Variants in DSE observed in about 807,000 individuals in gnomAD.
The protein encoded by DSE is dermatan sulfate epimerase, also known as dermatan-sulfate epimerase.
DSE carries 36 observed loss-of-function variants against 84.4 expected under a neutral mutation model. That is an observed-to-expected ratio of 0.43 (90% CI 0.33 to 0.56). DSE has a LOEUF of 0.56. DSE is among the 20% of genes least tolerant of loss of function. DSE has a pLI of 0.06. For missense variants in DSE, 862 were observed against 1,169.6 expected, an observed-to-expected ratio of 0.74 and a Z score of 3.84; for synonymous variants, 410 against 430.1, an observed-to-expected ratio of 0.95 and a Z score of 0.58.
At chr6:116,294,929 A>G (rs1028848473) in intron 2 of DSE, among the ~76,000 whole-genome samples, 8 of 152,050 alleles carry the variant, frequency 5.3e-5, no homozygotes, top group African/African-American at 9.7e-5. Flanking sequence ...CTACTCACCA[A>G]CTCCTTACTG....
chr6:116,387,451 G>A (rs1315029852), intron 1 of DSE, among the ~76,000 whole-genome samples: 1 of 152,206 alleles, frequency 6.6e-6, no homozygotes, highest in Admixed American at 6.5e-5. Flanking sequence ...GTGTATAAAT[G>A]AGCACCTTAG....
chr6:116,419,714 A>G (rs555185947), intron 2 of DSE, among the ~76,000 whole-genome samples: 2 of 152,354 alleles, frequency 1.3e-5, no homozygotes, highest in African/African-American at 2.4e-5. Context: ...GTAAATTTAT[A>G]ATTTTTGTAA....
chr6:116,258,562 G>T lies in DSE; in HGVS notation c.-459G>T, dbSNP rs762060367. 1.0e-5 allele frequency: 16 copies of T among 1,545,072 alleles called. No individual in the cohort carries two copies. In the African/African-American group the frequency reaches 2.2e-4, roughly 21 times the overall value. On this transcript the variant is annotated 5_prime_UTR_variant, in exon 2 of 4. Transcript: ENST00000430252. The stretch of plus-strand genomic sequence containing the variant: ...CTTCTTCTTAATGGCATAGGAGTTG[G>T]AGGAGCCCTTGGCAGCATTGATGAG...
At chr6:116,285,748 G>C (rs1320801186) in intron 2 of DSE, among the ~76,000 whole-genome samples, 1 of 152,172 alleles carries the variant, frequency 6.6e-6, no homozygotes, top group East Asian at 1.9e-4. Context: ...TGGCTAGCCA[G>C]TTTTCCCAAC....
intron 3 of DSE, among the ~76,000 whole-genome samples, chr6:116,427,546 T>C (rs535467941): frequency 1.3e-5 from 2 of 152,362 alleles, no homozygotes; most frequent in South Asian, 4.1e-4. Flanking sequence ...AAGCATTTTG[T>C]TGATTATCCA....
intron 1 of DSE, among the ~76,000 whole-genome samples, chr6:116,386,471 C>T (rs1319633535): frequency 6.6e-6 from 1 of 152,206 alleles, no homozygotes; most frequent in Non-Finnish European, 1.5e-5. Flanking sequence ...GGGGCAAAGC[C>T]CAGGAGAAAA....
chr6:116,409,982 C>T (rs542958325), intron 2 of DSE, among the ~76,000 whole-genome samples: 7 of 152,142 alleles, frequency 4.6e-5, no homozygotes, highest in African/African-American at 1.7e-4. Flanking sequence ...AGGGAGGAAA[C>T]TAGCAAGTGT....
chr6:116,371,410 G>A (rs1330131669), intron 1 of DSE, among the ~76,000 whole-genome samples: 1 of 152,208 alleles, frequency 6.6e-6, no homozygotes, highest in Non-Finnish European at 1.5e-5. Flanking sequence ...GCACCGAGCC[G>A]GGAACACGAT....
intron 2 of DSE, among the ~76,000 whole-genome samples, chr6:116,352,251 T>C (rs1477198800): frequency 2.0e-5 from 3 of 152,240 alleles, no homozygotes; most frequent in Non-Finnish European, 4.4e-5. Flanking sequence ...TCAACTATTA[T>C]CTATCTACTC....
At chr6:116,409,369 T>A (rs956948527) in intron 2 of DSE, among the ~76,000 whole-genome samples, 1 of 152,174 alleles carries the variant, frequency 6.6e-6, no homozygotes, top group Non-Finnish European at 1.5e-5. Context: ...CTCCGCCTCC[T>A]GGGTTCATGC....
chr6:116,395,394 C>T (rs1412927899), intron 1 of DSE, among the ~76,000 whole-genome samples: 1 of 150,968 alleles, frequency 6.6e-6, no homozygotes, highest in Non-Finnish European at 1.5e-5. Flanking sequence ...CACTGCACTC[C>T]AGCCTGGGCG....
chr6:116,290,703 A>T (rs1412578326), intron 2 of DSE, among the ~76,000 whole-genome samples: 1 of 152,174 alleles, frequency 6.6e-6, no homozygotes, highest in Non-Finnish European at 1.5e-5. Context: ...ACTCATCCTG[A>T]GAAGAGACAA....
At chr6:116,433,582 A>C in intron 5 of DSE, 32 bp downstream of exon 5, 1 of 1,580,474 alleles carries the variant, frequency 6.3e-7, no homozygotes, top group Non-Finnish European at 8.6e-7. Context: ...TTAAAGAGAA[A>C]TGGTACCCAA....
intron 2 of DSE, among the ~76,000 whole-genome samples, chr6:116,349,617 T>C (rs1778198855): frequency 6.6e-6 from 1 of 152,218 alleles, no homozygotes; most frequent in African/African-American, 2.4e-5. Context: ...TTACCAAATA[T>C]GCTGCTGGGA....
chr6:116,381,337 G>A (rs535437981), intron 1 of DSE, among the ~76,000 whole-genome samples: 9 of 152,262 alleles, frequency 5.9e-5, no homozygotes, highest in Admixed American at 4.6e-4. Context: ...GAGAGGAAAC[G>A]AGGGATGAGA....
At chr6:116,290,825 T>C (rs1774229676) in intron 2 of DSE, among the ~76,000 whole-genome samples, 1 of 152,152 alleles carries the variant, frequency 6.6e-6, no homozygotes, top group African/African-American at 2.4e-5. Context: ...CTAACTTCTC[T>C]CCCAAAGGGA....
chr6:116,402,984 G>A (rs780421093), intron 2 of DSE, among the ~76,000 whole-genome samples: 11 of 152,154 alleles, frequency 7.2e-5, no homozygotes, highest in Non-Finnish European at 1.5e-4. Flanking sequence ...AAGCAGAAAC[G>A]TTAAAGGGAA....
chr6:116,326,457 G>A (rs879937107), intron 2 of DSE, among the ~76,000 whole-genome samples: 5 of 152,080 alleles, frequency 3.3e-5, no homozygotes, highest in African/African-American at 1.2e-4. Context: ...ACCTCCTTAG[G>A]GTATCTTGCT....
At chr6:116,334,696 A>T (rs940679163) in intron 2 of DSE, among the ~76,000 whole-genome samples, 5 of 152,168 alleles carry the variant, frequency 3.3e-5, no homozygotes, top group Non-Finnish European at 5.9e-5. Flanking sequence ...GAGGAACTTA[A>T]ACAAATTTAC....
Sources: allele counts gnomAD v4.1 joint callset (sites outside exome capture counted in the v4.1 genomes callset), GRCh38; gene constraint gnomAD v4.1.1; transcripts MANE v1.5; gene names NCBI Gene and HGNC (gene_info 2026-07-23, HGNC 2026-07-21).